LRMDA: variants seen among roughly 807,000 people sequenced by gnomAD.
LRMDA encodes leucine-rich melanocyte differentiation-associated protein.
In LRMDA, 18 loss-of-function variants were observed where a neutral mutation model predicts 29.8. The ratio of observed to expected loss-of-function variants is 0.60; its 90% CI spans 0.42 to 0.90. The LOEUF is 0.90. Ranked by LOEUF, LRMDA falls within the 40% of genes least tolerant of loss-of-function variation. LRMDA has a pLI of 0.00. For synonymous variants in LRMDA, 125 were observed against 109.4 expected (o/e 1.14, Z -0.89); for missense variants, 273 against 273.9 (o/e 1.00, Z 0.02).
At chr10:75,622,430 C>T (rs1011502022) in intron 2 of LRMDA, among the ~76,000 whole-genome samples, 1 of 152,150 alleles carries the variant, frequency 6.6e-6, no homozygotes, top group Non-Finnish European at 1.5e-5. Context: ...CCCTTTTGAG[C>T]AGGCATCTGG....
At chr10:76,222,456 G>A (rs922952121) in intron 5 of LRMDA, among the ~76,000 whole-genome samples, 9 of 152,130 alleles carry the variant, frequency 5.9e-5, no homozygotes, top group East Asian at 5.8e-4. Flanking sequence ...AAAAGTGGGT[G>A]AAGGACATGA....
chr10:75,794,479 G>A (rs527536383), intron 2 of LRMDA, among the ~76,000 whole-genome samples: 1 of 152,206 alleles, frequency 6.6e-6, no homozygotes, highest in Admixed American at 6.5e-5. Flanking sequence ...CCTGGAGGGG[G>A]TGGGTAGATG....
chr10:75,519,387 A>G (rs1845329956), intron 2 of LRMDA, among the ~76,000 whole-genome samples: 1 of 152,194 alleles, frequency 6.6e-6, no homozygotes, highest in African/African-American at 2.4e-5. Context: ...GTGCATATGT[A>G]TTTAGGGTAG....
chr10:75,691,407 C>T lies in LRMDA; in HGVS notation c.131+252913C>T, dbSNP rs182111266. 9.2e-5 allele frequency among the ~76,000 whole-genome samples: 14 copies of T among 151,940 alleles called. No homozygotes were observed. In the East Asian group the frequency reaches 2.3e-3, roughly 25 times the overall value. ...CTTTCTTGCTTAGACTCAACCCATT[C>T]CCTCTTTCCCTTTGCAGAATCCTAT... On this transcript the variant is annotated intron_variant, in intron 2 of 6. Coordinates refer to ENST00000611255, the MANE Select transcript of LRMDA (RefSeq NM_001305581.2).
At chr10:76,267,951 A>C (rs988759372) in intron 5 of LRMDA, among the ~76,000 whole-genome samples, 1 of 152,180 alleles carries the variant, frequency 6.6e-6, no homozygotes. Flanking sequence ...GGTTGACGTA[A>C]TATTACATAT....
intron 5 of LRMDA, among the ~76,000 whole-genome samples, chr10:76,067,763 A>C (rs1217800824): frequency 6.6e-6 from 1 of 152,204 alleles, no homozygotes; most frequent in African/African-American, 2.4e-5. Context: ...AGGAACAGGG[A>C]AAAAAGGCCA....
chr10:76,340,333 T>C (rs1387843687), intron 6 of LRMDA, among the ~76,000 whole-genome samples: 1 of 151,792 alleles, frequency 6.6e-6, no homozygotes. Flanking sequence ...CTGGCCAATA[T>C]GGCAAAACCT....
At chr10:76,228,050 T>C (rs1851992533) in intron 5 of LRMDA, among the ~76,000 whole-genome samples, 1 of 149,514 alleles carries the variant, frequency 6.7e-6, no homozygotes, top group African/African-American at 2.5e-5. Context: ...TTAGACAGAG[T>C]CTCGCTCTGT....
At chr10:75,916,180 GT>G (rs1340080166) in intron 2 of LRMDA, among the ~76,000 whole-genome samples, 31 of 124,530 alleles carry the variant, frequency 2.5e-4, no homozygotes, top group African/African-American at 8.0e-4. Context: ...GTGTGTGTGT[GT>G]GTGTGTGTGT....
chr10:76,330,137 G>A (rs564091762), intron 6 of LRMDA, among the ~76,000 whole-genome samples: 1 of 152,264 alleles, frequency 6.6e-6, no homozygotes, highest in East Asian at 1.9e-4. Flanking sequence ...TGGGCTTATA[G>A]GATTCGGAGG....
chr10:76,366,672 A>G (rs1219411131), intron 6 of LRMDA, among the ~76,000 whole-genome samples: 1 of 152,144 alleles, frequency 6.6e-6, no homozygotes, highest in Non-Finnish European at 1.5e-5. Flanking sequence ...TAGGGTTTTC[A>G]AGGTAAATGA....
rs548997987 is a variant in LRMDA at position 76,346,523 on chromosome 10, T to G, written c.601+22038T>G. On this transcript the variant is annotated intron_variant, in intron 6 of 6. Coordinates refer to ENST00000611255, the MANE Select transcript of LRMDA (RefSeq NM_001305581.2). ...CATTCACATGAATCAAATATGCTGG[T>G]AAATAAAGAAATATGGAGAAAAATA... 4 of 152,256 alleles carry G rather than the reference T, an allele frequency of 2.6e-5. No homozygotes were observed. In the South Asian group the frequency reaches 8.3e-4, roughly 32 times the overall value. 9.4% of individuals were successfully genotyped at this position (152,256 alleles called of 1,614,324 possible).
Position 76,537,321 on chromosome 10 carries a change from C to T in LRMDA, c.602-19888C>T, listed in dbSNP as rs146927269. 2.3e-3 allele frequency among the ~76,000 whole-genome samples: 343 copies of T among 152,322 alleles called. 3 individuals are homozygous for T. The highest frequency in any genetic ancestry group is 7.8e-3 in the African/African-American group (324 of 41,570). ...CATGACTTGAGCACATGTGTGCACA[C>T]ACACAGTCATATGTGTATATTTTAA... On this transcript the variant is annotated intron_variant, in intron 6 of 6. Coordinates refer to ENST00000611255, the MANE Select transcript of LRMDA (RefSeq NM_001305581.2).
At position 76,058,774 on chromosome 10, in the gene LRMDA, G is replaced by T. The variant is rs780545249; in HGVS notation, c.507G>T (p.Val169=). 19 of 1,612,276 alleles carry T rather than the reference G, an allele frequency of 1.2e-5. No individual in the cohort carries two copies. The highest frequency in any genetic ancestry group is 1.6e-5 in the Non-Finnish European group (19 of 1,178,472). Residue 169 remains valine (V), a synonymous_variant, in exon 5 of 7, where the codon GTG becomes GTT. Coordinates refer to ENST00000611255, the MANE Select transcript of LRMDA (RefSeq NM_001305581.2). ...ALVRGVFMKV[V]KPKASSEDVA... ...TCAGAGGAGTCTTCATGAAGGTGGTGAAGCCCAAGGTGAGCTGCCTACTTG... is the reference window on the plus strand; with the variant it reads ...TCAGAGGAGTCTTCATGAAGGTGGTTAAGCCCAAGGTGAGCTGCCTACTTG...
intron 6 of LRMDA, among the ~76,000 whole-genome samples, chr10:76,342,827 C>G (rs1470754565): frequency 6.6e-6 from 1 of 151,880 alleles, no homozygotes; most frequent in Non-Finnish European, 1.5e-5. Context: ...GTTTGATTTC[C>G]ACAGGCAAAA....
intron 6 of LRMDA, among the ~76,000 whole-genome samples, chr10:76,445,029 A>G (rs984999480): frequency 2.6e-5 from 4 of 152,096 alleles, no homozygotes; most frequent in African/African-American, 9.7e-5. Context: ...GTGCCTATGA[A>G]GGACAAAGCG....
chr10:76,503,664 A>T (rs1450327049), intron 6 of LRMDA, among the ~76,000 whole-genome samples: 1 of 151,582 alleles, frequency 6.6e-6, no homozygotes, highest in Non-Finnish European at 1.5e-5. Context: ...CTGTGGTATC[A>T]ATTGTAATGT....
chr10:76,127,598 G>A (rs1022469342), intron 5 of LRMDA, among the ~76,000 whole-genome samples: 10 of 150,748 alleles, frequency 6.6e-5, no homozygotes, highest in African/African-American at 2.4e-4. Context: ...GAAAACTAAG[G>A]TGAATGTTTG....
intron 2 of LRMDA, among the ~76,000 whole-genome samples, chr10:75,912,666 G>A (rs1845861540): frequency 6.6e-6 from 1 of 152,188 alleles, no homozygotes; most frequent in Non-Finnish European, 1.5e-5. Flanking sequence ...TGTAGGTAGA[G>A]TTCTACTTAT....
Sources: gnomAD v4.1 joint callset for allele counts (sites outside exome capture counted in the v4.1 genomes callset) on GRCh38, gnomAD v4.1.1 for gene constraint, MANE v1.5 for transcripts, NCBI Gene and HGNC (gene_info 2026-07-23, HGNC 2026-07-21) for gene names.